Variants in USP46 observed in about 807,000 individuals in gnomAD.
USP46 encodes ubiquitin specific peptidase 46.
USP46 carries 12 observed loss-of-function variants against 44.4 expected under a neutral mutation model. The observed-to-expected ratio is 0.27, with a 90% confidence interval of 0.17 to 0.44. The LOEUF (loss-of-function observed/expected upper bound fraction) is 0.44. USP46 is among the 20% of genes least tolerant of loss of function. The pLI, the probability that USP46 is intolerant of heterozygous loss-of-function variation, is 1.00. For synonymous variants in USP46, 155 were observed against 161.5 expected, an observed-to-expected ratio of 0.96 and a Z score of 0.31; for missense variants, 248 against 444.8, an observed-to-expected ratio of 0.56 and a Z score of 3.98.
At chr4:52,606,161 A>C (rs1716680899) in intron 5 of USP46, among the ~76,000 whole-genome samples, 1 of 152,222 alleles carries the variant, frequency 6.6e-6, no homozygotes, top group South Asian at 2.1e-4. Context: ...TGAATGAATG[A>C]ACCAACCAAG....
rs571837192 is a variant in USP46 at position 52,599,382 on chromosome 4, A to G, written c.921-676T>C. ...AGTAGCACTTGGTGTGTTCAGGAAGAGCAGAGAGGCCAAAGGAGGCCAGAG... is the reference window on the plus strand; with the variant it reads ...AGTAGCACTTGGTGTGTTCAGGAAGGGCAGAGAGGCCAAAGGAGGCCAGAG... On this transcript the variant is annotated intron_variant, in intron 7 of 8. Transcript: ENST00000441222. Among the ~76,000 whole-genome samples the G allele has an allele frequency of 6.6e-5, 10 of 152,130 alleles. No homozygotes were observed. The South Asian group carries it at 2.1e-3, about 32-fold the overall frequency.
chr4:52,637,348 A>G (rs916048944), intron 1 of USP46, among the ~76,000 whole-genome samples: 1 of 151,358 alleles, frequency 6.6e-6, no homozygotes. Flanking sequence ...ACCATTTCCA[A>G]CTCTTTCTCG....
intron 4 of USP46, 120 bp from the exon 5 acceptor site, chr4:52,610,737 G>A: frequency 3.4e-6 from 3 of 888,292 alleles, no homozygotes; most frequent in Non-Finnish European, 5.3e-6. Flanking sequence ...AGTCCTGCAT[G>A]GACATGTATA....
intron 1 of USP46, among the ~76,000 whole-genome samples, chr4:52,648,293 A>G (rs958629417): frequency 6.6e-6 from 1 of 152,202 alleles, no homozygotes; most frequent in Non-Finnish European, 1.5e-5. Context: ...ATCTGAGCCA[A>G]TGTCACCCAA....
intron 1 of USP46, among the ~76,000 whole-genome samples, chr4:52,657,154 T>C (rs1718985206): frequency 6.6e-6 from 1 of 151,990 alleles, no homozygotes; most frequent in Non-Finnish European, 1.5e-5. Context: ...TCAGACTCCT[T>C]ACTTAATGAA....
intron 5 of USP46, among the ~76,000 whole-genome samples, chr4:52,607,339 T>G (rs1204387936): frequency 5.9e-5 from 9 of 152,148 alleles, no homozygotes; most frequent in Non-Finnish European, 1.5e-5. Context: ...AGCTGTCAGT[T>G]AATGTTCTAT....
intron 1 of USP46, among the ~76,000 whole-genome samples, chr4:52,645,218 C>T (rs1332467335): frequency 1.5e-5 from 2 of 135,510 alleles, no homozygotes; most frequent in African/African-American, 5.8e-5. Flanking sequence ...AAGACAGACT[C>T]TATCTCAAAA....
At chr4:52,628,217 C>T in intron 2 of USP46, 54 bp from the exon 3 acceptor site, 1 of 1,568,426 alleles carries the variant, frequency 6.4e-7, no homozygotes, top group Non-Finnish European at 8.7e-7. Flanking sequence ...TGAGCCACCT[C>T]TGGAATAAGT....
chr4:52,650,694 T>A (rs1718722203), intron 1 of USP46, among the ~76,000 whole-genome samples: 1 of 152,230 alleles, frequency 6.6e-6, no homozygotes, highest in African/African-American at 2.4e-5. Context: ...TAATTATTAT[T>A]TTTAAAATTT....
chr4:52,622,460 T>C (rs1200107438), intron 4 of USP46, among the ~76,000 whole-genome samples: 2 of 152,232 alleles, frequency 1.3e-5, no homozygotes, highest in Non-Finnish European at 2.9e-5. Context: ...TCCCATAGCA[T>C]ATAGTTTTCT....
intron 4 of USP46, among the ~76,000 whole-genome samples, chr4:52,616,188 T>C (rs964305836): frequency 7.2e-5 from 11 of 152,246 alleles, no homozygotes; most frequent in African/African-American, 2.7e-4. Context: ...CAATGTTGTA[T>C]CTTGGGAGAT....
chr4:52,631,516 C>G (rs1412792596), intron 1 of USP46, among the ~76,000 whole-genome samples: 2 of 152,128 alleles, frequency 1.3e-5, no homozygotes, highest in Non-Finnish European at 2.9e-5. Context: ...AATCATATTA[C>G]CACTATCAAA....
chr4:52,611,681 G>C (rs895837940), intron 4 of USP46, among the ~76,000 whole-genome samples: 5 of 152,122 alleles, frequency 3.3e-5, no homozygotes, highest in Non-Finnish European at 7.4e-5. Flanking sequence ...GAGGTCAGGA[G>C]TTCAAGACCA....
intron 4 of USP46, among the ~76,000 whole-genome samples, chr4:52,624,045 G>A (rs1475854256): frequency 6.6e-6 from 1 of 152,152 alleles, no homozygotes; most frequent in Non-Finnish European, 1.5e-5. Context: ...AAATGCTATA[G>A]GACAAACACC....
intron 3 of USP46, among the ~76,000 whole-genome samples, chr4:52,627,633 C>T (rs909019521): frequency 6.6e-6 from 1 of 152,186 alleles, no homozygotes; most frequent in Non-Finnish European, 1.5e-5. Context: ...CCAATTTAGG[C>T]CAATGAGTAT....
At chr4:52,618,848 T>C (rs1257200585) in intron 4 of USP46, among the ~76,000 whole-genome samples, 2 of 152,154 alleles carry the variant, frequency 1.3e-5, no homozygotes, top group Non-Finnish European at 2.9e-5. Context: ...ACTGAATCAA[T>C]TTGAACCTCT....
intron 1 of USP46, chr4:52,656,646 C>A: frequency 9.4e-7 from 1 of 1,059,156 alleles, no homozygotes. Context: ...TGTACCAGGC[C>A]CTGTGCCCGA....
At chr4:52,617,125 A>G (rs1717185180) in intron 4 of USP46, among the ~76,000 whole-genome samples, 1 of 152,250 alleles carries the variant, frequency 6.6e-6, no homozygotes, top group Non-Finnish European at 1.5e-5. Flanking sequence ...ATAACTGAAC[A>G]GAAGACTGAA....
intron 5 of USP46, among the ~76,000 whole-genome samples, chr4:52,609,347 T>C (rs149486111): frequency 6.6e-6 from 1 of 152,198 alleles, no homozygotes; most frequent in African/African-American, 2.4e-5. Flanking sequence ...AGAAGAGATA[T>C]GCAGACATAA....
Sources: gnomAD v4.1 joint callset for allele counts (sites outside exome capture counted in the v4.1 genomes callset) on GRCh38, gnomAD v4.1.1 for gene constraint, MANE v1.5 for transcripts, NCBI Gene and HGNC (gene_info 2026-07-23, HGNC 2026-07-21) for gene names.